MAP3K6: variants seen among roughly 807,000 people sequenced by gnomAD.
MAP3K6 encodes the protein mitogen-activated protein kinase kinase kinase 6.
In MAP3K6, 105 loss-of-function variants were observed where a neutral mutation model predicts 147.1. The ratio of observed to expected loss-of-function variants is 0.71; its 90% confidence interval spans 0.61 to 0.84. MAP3K6 has a LOEUF of 0.84. Ranked by LOEUF, MAP3K6 falls within the 40% of genes least tolerant of loss-of-function variation. The pLI, the probability that MAP3K6 is intolerant of heterozygous loss-of-function variation, is 0.00. For synonymous variants in MAP3K6, 695 were observed against 732.4 expected (o/e 0.95, Z 0.82); for missense variants, 1,569 against 1,715.0 (o/e 0.91, Z 1.50).
Position 27,366,259 on chromosome 1 carries a change from C to G in MAP3K6, c.339G>C (p.Ala113=). Reference sequence around the variant, plus strand: ...CGGCCCCGCCCCCAGCGCTCTCACCCGCGTTGTAGAAGGCATCCAGAGCCG... The same window carrying G: ...CGGCCCCGCCCCCAGCGCTCTCACCGGCGTTGTAGAAGGCATCCAGAGCCG... ...DTAALDAFYN[A]DVVVLEVSSS... is the part of the protein sequence containing the mutation. Residue 113 remains alanine, a splice_region_variant and synonymous_variant, in exon 1 of 29, where the codon GCG becomes GCC. Transcript: ENST00000357582. This position sits in a 1 kb window ranked among gnomAD's most constrained non-coding sequence, Gnocchi z 5.5. The G allele has an allele frequency of 7.5e-7, 1 of 1,327,602 alleles. No individual in the cohort carries two copies. The highest frequency in any genetic ancestry group is 9.6e-7 in the Non-Finnish European group (1 of 1,040,352). The allele number at this position is 1,327,602 out of a possible 1,614,324, so 82.2% of individuals were successfully genotyped here.
Position 27,361,227 on chromosome 1 carries a change from A to G in MAP3K6, c.1762T>C (p.Cys588Arg). The G allele has an allele frequency of 6.2e-7, 1 of 1,613,462 alleles. No individual in the cohort carries two copies. Among genetic ancestry groups the G allele is most frequent in the South Asian group, 1.1e-5 (1 of 90,952 alleles). The change falls in exon 13 of 29, where the codon TGC becomes CGC. Residue 588 changes from cysteine (C) to arginine (R), a missense_variant. By Grantham distance (180) the Cys-to-Arg change is radical. Coordinates refer to ENST00000357582, the MANE Select transcript of MAP3K6 (RefSeq NM_004672.5). Reference protein sequence around the residue: ...VSASKRDERCCFLYALPPAQD... With the variant: ...VSASKRDERCRFLYALPPAQD... ...GCCGGGGGGAGTGCATAGAGGAAGC[A>G]GCAGCGCTCGTCGCGCTTTGAGGCG...
chr1:27,357,523 T>TGCCCCGA lies in MAP3K6; in HGVS notation c.3128_3134dup (p.His1046ArgfsTer94). 6.2e-7 allele frequency: 1 copy of TGCCCCGA among 1,613,380 alleles called. No homozygotes were observed. The highest frequency in any genetic ancestry group is 8.5e-7 in the Non-Finnish European group (1 of 1,179,848). ...GCCGGCGGTTGGGAGTGTGGATGTG[T>TGCCCCGA]GCCCCGAGGCAGCGCAGCAGCTCTT... is the stretch of plus-strand genomic sequence containing the variant. On this transcript the variant is annotated frameshift_variant, in exon 23 of 29. Coordinates refer to ENST00000357582, the MANE Select transcript of MAP3K6 (RefSeq NM_004672.5). LOFTEE classifies it high-confidence loss of function.
Position 27,363,491 on chromosome 1 carries a change from C to T in MAP3K6, c.922G>A (p.Val308Met), listed in dbSNP as rs773204555. 9.3e-6 allele frequency: 15 copies of T among 1,613,748 alleles called. No homozygotes were observed. Among genetic ancestry groups the T allele is most frequent in the Non-Finnish European group, 2.5e-6 (3 of 1,179,890 alleles). ...AAGCAGACATTATGCTGCTCGGCCACATCACAGGTGGGCAAGGCCTGCAGC... is the reference window on the plus strand; with the variant it reads ...AAGCAGACATTATGCTGCTCGGCCATATCACAGGTGGGCAAGGCCTGCAGC... Reference protein sequence around the residue: ...ETLQALPTCDVAEQHNVCFHY... With the variant: ...ETLQALPTCDMAEQHNVCFHY... Residue 308 changes from valine to methionine, a missense_variant, in exon 6 of 29, where the codon GTG (valine) becomes ATG (methionine). By Grantham distance (21) the Val-to-Met change is conservative. Coordinates refer to ENST00000357582, the MANE Select transcript of MAP3K6 (RefSeq NM_004672.5).
Position 27,357,501 on chromosome 1 carries a change from G to A in MAP3K6, c.3157C>T (p.Arg1053Trp), listed in dbSNP as rs2015573098. The stretch of plus-strand genomic sequence containing the variant: ...GCCCGCAGCTCCTGGGCGAGCTGCC[G>A]GCGGTTGGGAGTGTGGATGTGTGCC... ...LGAHIHTPNR[R>W]QLAQELRALQ... Residue 1053 changes from arginine to tryptophan, a missense_variant, in exon 23 of 29, where the codon CGG becomes TGG. Physicochemically the swap from Arg to Trp is moderately radical, Grantham distance 101 (BLOSUM62 -3). Transcript: ENST00000357582. The A allele has an allele frequency of 6.2e-7, 1 of 1,613,618 alleles. No homozygotes were observed. Among genetic ancestry groups the A allele is most frequent in the Non-Finnish European group, 8.5e-7 (1 of 1,179,904 alleles).
chr1:27,358,196 C>A lies in MAP3K6; in HGVS notation c.2900G>T (p.Gly967Val). The A allele has an allele frequency of 6.3e-7, 1 of 1,586,876 alleles. No individual in the cohort carries two copies. Among genetic ancestry groups the A allele is most frequent in the South Asian group, 1.1e-5 (1 of 87,168 alleles). Residue 967 changes from glycine (G) to valine (V), a missense_variant, in exon 21 of 29, where the codon GGC becomes GTC. By Grantham distance (109) the Gly-to-Val change is moderately radical. Transcript: ENST00000357582. The surrounding 1 kb of genome is among the most constrained non-coding windows in gnomAD (Gnocchi z 6.2). ...SPPKRCLSYG[G>V]TSQLRVPEEP... ...TTGGTCTCACCGGAGCTGGCTGGTGCCCCCATAACTGAGGCAGCGCTTCGG... is the reference window on the plus strand; with the variant it reads ...TTGGTCTCACCGGAGCTGGCTGGTGACCCCATAACTGAGGCAGCGCTTCGG...
rs745469751 is a variant in MAP3K6, at chr1:27,357,750, C to T, written c.3042G>A (p.Ala1014=). The change falls in exon 22 of 29, where the codon GCG becomes GCA. Residue 1014 remains alanine, a synonymous_variant. Transcript: ENST00000357582. ...GCTCCTGGTGCAGATTCTCCGCCAG[C>T]GCTGGCAGCTCCTGCTCCAATACTG... ...LAAVLEQELP[A]LAENLHQEQK... is the part of the protein sequence containing the mutation. The T allele has an allele frequency of 5.0e-6, 8 of 1,611,748 alleles. No individual in the cohort carries two copies. The Admixed American group carries it at 1.3e-4, about 27-fold the overall frequency.
rs1220324063 is a variant in MAP3K6 at position 27,355,997 on chromosome 1, C to G, written c.3711+29G>C. ...AGATGGAGGCTTTGGCTGGTGAGGT[C>G]AGGGATAGCCAAGCACTCCCCGACT... On this transcript the variant is annotated intron_variant, in intron 27 of 28. Transcript: ENST00000357582. 5 of 1,609,392 alleles carry G rather than the reference C, an allele frequency of 3.1e-6. No individual in the cohort carries two copies. In the South Asian group the frequency reaches 5.5e-5, roughly 18 times the overall value.
At chr1:27,355,897 A>G in intron 27 of MAP3K6, 129 bp downstream of exon 27, 4 of 1,128,280 alleles carry the variant, frequency 3.5e-6, no homozygotes, top group Non-Finnish European at 5.3e-6. Flanking sequence ...CAATGGGACG[A>G]GAATACTAAG....
At chr1:27,357,632 G>A in intron 22 of MAP3K6, 56 bp from the exon 23 acceptor site, 1 of 1,588,852 alleles carries the variant, frequency 6.3e-7, no homozygotes, top group Non-Finnish European at 8.6e-7. Context: ...AGACGCTGCC[G>A]CGGAGGTAGG....
chr1:27,361,061 A>T, intron 13 of MAP3K6, 53 bp from the exon 14 acceptor site: 3 of 1,537,720 alleles, frequency 2.0e-6, no homozygotes, highest in Non-Finnish European at 2.6e-6. Context: ...TCCCCACCTA[A>T]GCCGGAGCAT....
chr1:27,362,389 G>C (rs1157382234), intron 8 of MAP3K6, 139 bp from the exon 9 acceptor site: 1 of 881,468 alleles, frequency 1.1e-6, no homozygotes, highest in East Asian at 2.7e-5. Context: ...GTGGGAACAG[G>C]AGCTCAGGCA....
At chr1:27,357,236 G>GGAA in intron 23 of MAP3K6, 122 bp from the exon 24 acceptor site, 1 of 1,253,526 alleles carries the variant, frequency 8.0e-7, no homozygotes, top group South Asian at 1.4e-5. Flanking sequence ...TGAGGTCCAG[G>GGAA]GAAGGCCTGG....
At chr1:27,356,222 C>G (rs2015515520) in intron 26 of MAP3K6, 123 bp from the exon 27 acceptor site, 1 of 1,099,284 alleles carries the variant, frequency 9.1e-7, no homozygotes, top group Non-Finnish European at 1.4e-6. Flanking sequence ...AGGTGATGAG[C>G]CCAAGGGTGC....
chr1:27,362,169 C>T lies in MAP3K6; in HGVS notation c.1337G>A (p.Gly446Glu), dbSNP rs569053731. 2 of 1,613,678 alleles carry T rather than the reference C, an allele frequency of 1.2e-6. No individual in the cohort carries two copies. The highest frequency in any genetic ancestry group is 1.1e-5 in the South Asian group (1 of 91,076). ...QYYWDVGFYL[G>E]AQILANDPTQ... ...GGGGTCATTGGCGAGGATCTGGGCT[C>T]CCAGGTAGAAACCCACATCCCAGTA... is the stretch of plus-strand genomic sequence containing the variant. The change falls in exon 9 of 29, where the codon GGA (glycine) becomes GAA (glutamate). Residue 446 changes from glycine (G) to glutamate (E), a missense_variant. Gly to Glu is a moderately conservative substitution (Grantham distance 98). Transcript: ENST00000357582.
Position 27,361,602 on chromosome 1 carries a change from A to G in MAP3K6, c.1604T>C (p.Val535Ala), listed in dbSNP as rs747730006. Residue 535 changes from valine to alanine, a missense_variant, in exon 11 of 29, where the codon GTG (valine) becomes GCG (alanine). By Grantham distance (64) the Val-to-Ala change is moderately conservative (BLOSUM62 0). Coordinates refer to ENST00000357582, the MANE Select transcript of MAP3K6 (RefSeq NM_004672.5). ...AACCTCGAGCTTTGCAGGCAGCAGC[A>G]CCTTGTTCATCTCCAGGACCAGCAC... ...CLVLVLEMNK[V>A]LLPAKLEVRG... 3.1e-6 allele frequency: 5 copies of G among 1,614,118 alleles called. No individual in the cohort carries two copies. The East Asian group carries it at 1.1e-4, about 36-fold the overall frequency.
rs978206348 is a variant in MAP3K6 at position 27,360,460 on chromosome 1, G to A, written c.2055-92C>T. 9.7e-5 allele frequency: 62 copies of A among 640,032 alleles called. No individual in the cohort carries two copies. Among genetic ancestry groups the A allele is most frequent in the Non-Finnish European group, 1.2e-4 (61 of 497,986 alleles). 39.6% of individuals were successfully genotyped at this position (640,032 alleles called of 1,614,324 possible). A position where few individuals can be genotyped will look rare whatever the true frequency, so the allele number is the denominator to read the frequency against. ...CAGCCTGGCCCCGCCCCAAGGACCC[G>A]CCCCGCCCACAAGCCCTCTCCGACC... is the stretch of plus-strand genomic sequence containing the variant. On this transcript the variant is annotated intron_variant, in intron 15 of 28. Transcript: ENST00000357582. This position sits in a 1 kb window ranked among gnomAD's most constrained non-coding sequence, Gnocchi z 4.5.
chr1:27,357,522 G>T lies in MAP3K6; in HGVS notation c.3136C>A (p.His1046Asn). Reference sequence around the variant, plus strand: ...TGCCGGCGGTTGGGAGTGTGGATGTGTGCCCCGAGGCAGCGCAGCAGCTCT... The same window carrying T: ...TGCCGGCGGTTGGGAGTGTGGATGTTTGCCCCGAGGCAGCGCAGCAGCTCT... The part of the protein sequence containing the change: ...VEELLRCLGA[H>N]IHTPNRRQLA... The change falls in exon 23 of 29, where the codon CAC (histidine) becomes AAC (asparagine). Residue 1046 changes from histidine (H) to asparagine (N), a missense_variant. By Grantham distance (68) the His-to-Asn change is moderately conservative. Coordinates refer to ENST00000357582, the MANE Select transcript of MAP3K6 (RefSeq NM_004672.5). 3.1e-6 allele frequency: 5 copies of T among 1,613,542 alleles called. No individual in the cohort carries two copies. Among genetic ancestry groups the T allele is most frequent in the Non-Finnish European group, 4.2e-6 (5 of 1,179,884 alleles).
At chr1:27,362,302 G>A in intron 8 of MAP3K6, 52 bp from the exon 9 acceptor site, 1 of 1,543,364 alleles carries the variant, frequency 6.5e-7, no homozygotes, top group Non-Finnish European at 8.8e-7. Flanking sequence ...GGGTGAGTGA[G>A]GCCCACCATT....
At chr1:27,356,895 C>T in intron 24 of MAP3K6, 114 bp downstream of exon 24, 4 of 1,408,014 alleles carry the variant, frequency 2.8e-6, no homozygotes, top group Non-Finnish European at 3.9e-6. Flanking sequence ...ACGCCCCCAC[C>T]GGCGCCTGCC....
Sources: gnomAD v4.1 joint callset for allele counts on GRCh38, gnomAD v4.1.1 for gene constraint, Gnocchi (gnomAD v3.1) non-coding constraint, MANE v1.5 for transcripts, NCBI Gene and HGNC (gene_info 2026-07-23, HGNC 2026-07-21) for gene names.